Variants in UTRN observed in about 807,000 individuals in gnomAD.
UTRN encodes dystrophin-related protein 1.
UTRN carries 283 observed loss-of-function variants against 463.9 expected under a neutral mutation model. That is an observed-to-expected ratio of 0.61 (90% confidence interval 0.55 to 0.67). UTRN has a LOEUF of 0.67. UTRN is among the 30% of genes least tolerant of loss of function. UTRN has a pLI of 0.00. For missense variants in UTRN, 3,922 were observed against 4,084.3 expected, an observed-to-expected ratio of 0.96 and a Z score of 1.08; for synonymous variants, 1,442 against 1,431.5, an observed-to-expected ratio of 1.01 and a Z score of -0.17.
At chr6:144,623,344 A>T (rs1775621836) in intron 51 of UTRN, among the ~76,000 whole-genome samples, 1 of 152,236 alleles carries the variant, frequency 6.6e-6, no homozygotes, top group Non-Finnish European at 1.5e-5. Flanking sequence ...TATAAAATAC[A>T]CCTTTAATTC....
chr6:144,753,211 G>A (rs1791592421), intron 56 of UTRN, among the ~76,000 whole-genome samples: 1 of 152,128 alleles, frequency 6.6e-6, no homozygotes, highest in African/African-American at 2.4e-5. Context: ...GCTAGAAAAA[G>A]GAAATGGAAA....
At chr6:144,673,993 A>C (rs1182076003) in intron 51 of UTRN, among the ~76,000 whole-genome samples, 2 of 152,132 alleles carry the variant, frequency 1.3e-5, no homozygotes, top group Non-Finnish European at 2.9e-5. Flanking sequence ...TGGCTTGCAG[A>C]GTTTCTGCTG....
intron 2 of UTRN, among the ~76,000 whole-genome samples, chr6:144,337,042 C>A (rs1342562367): frequency 1.3e-5 from 2 of 152,100 alleles, no homozygotes; most frequent in African/African-American, 4.8e-5. Context: ...GAGGCCTCAC[C>A]CACTGGGTTC....
At chr6:144,662,869 G>T (rs1316569276) in intron 51 of UTRN, among the ~76,000 whole-genome samples, 2 of 152,122 alleles carry the variant, frequency 1.3e-5, no homozygotes, top group Admixed American at 6.5e-5. Flanking sequence ...TGATATTTTT[G>T]AATTTTGGAG....
chr6:144,380,652 A>T (rs1720996206), intron 2 of UTRN, among the ~76,000 whole-genome samples: 2 of 151,792 alleles, frequency 1.3e-5, no homozygotes, highest in Non-Finnish European at 2.9e-5. Context: ...CTCTAAAATA[A>T]TTTTTTTAAA....
At chr6:144,385,564 C>G (rs914771712) in intron 2 of UTRN, among the ~76,000 whole-genome samples, 1 of 152,130 alleles carries the variant, frequency 6.6e-6, no homozygotes, top group Non-Finnish European at 1.5e-5. Context: ...AGAGGAAGAG[C>G]TATTTTACAC....
chr6:144,604,494 A>G (rs1223253758), intron 51 of UTRN, among the ~76,000 whole-genome samples: 2 of 152,206 alleles, frequency 1.3e-5, no homozygotes, highest in Non-Finnish European at 2.9e-5. Context: ...TAAATGAATT[A>G]TTATTATTCA....
intron 33 of UTRN, among the ~76,000 whole-genome samples, chr6:144,498,560 T>C (rs973379161): frequency 1.3e-4 from 20 of 152,346 alleles, no homozygotes; most frequent in African/African-American, 4.8e-4. Flanking sequence ...GAGAGGATTC[T>C]AAGATATCTT....
chr6:144,327,942 C>T (rs760055852), intron 2 of UTRN, among the ~76,000 whole-genome samples: 1 of 152,038 alleles, frequency 6.6e-6, no homozygotes, highest in Non-Finnish European at 1.5e-5. Context: ...GAAACTCCGT[C>T]TCAAAACACA....
At chr6:144,332,404 G>T (rs946254035) in intron 2 of UTRN, among the ~76,000 whole-genome samples, 2 of 152,140 alleles carry the variant, frequency 1.3e-5, no homozygotes, top group African/African-American at 4.8e-5. Context: ...TCACTTAAAA[G>T]AACAAAAGCA....
At chr6:144,819,977 T>C (rs1212914936) in intron 65 of UTRN, among the ~76,000 whole-genome samples, 1 of 150,580 alleles carries the variant, frequency 6.6e-6, no homozygotes, top group Admixed American at 6.6e-5. Flanking sequence ...GAGTGGTAGG[T>C]TGAGCAGCCA....
chr6:144,590,467 G>A (rs1317009553), intron 51 of UTRN, among the ~76,000 whole-genome samples: 1 of 152,082 alleles, frequency 6.6e-6, no homozygotes, highest in Non-Finnish European at 1.5e-5. Context: ...GGACATAATA[G>A]CTCCCTAAGA....
intron 51 of UTRN, chr6:144,660,258 C>T (rs1360661980): frequency 4.2e-6 from 2 of 471,192 alleles, no homozygotes; most frequent in South Asian, 3.1e-5. Context: ...ACGGGAACTG[C>T]TGACAAAATT....
chr6:144,292,505 G>A (rs1323511038), intron 2 of UTRN, among the ~76,000 whole-genome samples: 1 of 152,116 alleles, frequency 6.6e-6, no homozygotes, highest in Non-Finnish European at 1.5e-5. Flanking sequence ...TTATATAACC[G>A]AGTGCTTTTT....
Position 144,822,594 on chromosome 6 carries a change from A to G in UTRN, c.9494+1576A>G, listed in dbSNP as rs540234590. On this transcript the variant is annotated intron_variant, in intron 66 of 74. Transcript: ENST00000367545. The stretch of plus-strand genomic sequence containing the variant: ...AAAAAGTTTTAATAAAGCAATTTCA[A>G]TTGAAAGAGAGCTGTTCGAATACAT... Among the ~76,000 whole-genome samples the G allele has an allele frequency of 1.4e-4, 22 of 152,256 alleles. No homozygotes were observed. In the South Asian group the frequency reaches 1.7e-3, roughly 11 times the overall value.
intron 10 of UTRN, among the ~76,000 whole-genome samples, chr6:144,436,763 A>G (rs1786573689): frequency 6.9e-6 from 1 of 144,832 alleles, no homozygotes; most frequent in Non-Finnish European, 1.5e-5. Context: ...TTATATATAT[A>G]TTTATATATA....
At chr6:144,597,017 T>A (rs1249271631) in intron 51 of UTRN, among the ~76,000 whole-genome samples, 1 of 152,126 alleles carries the variant, frequency 6.6e-6, no homozygotes, top group African/African-American at 2.4e-5. Flanking sequence ...GGTGGACAGA[T>A]CATGAGGTCA....
chr6:144,501,821 A>G (rs1234174466), intron 34 of UTRN, among the ~76,000 whole-genome samples: 1 of 152,186 alleles, frequency 6.6e-6, no homozygotes, highest in East Asian at 1.9e-4. Flanking sequence ...CATATTATGC[A>G]ATTGTTCTTC....
chr6:144,808,416 A>G (rs181459192), intron 65 of UTRN, among the ~76,000 whole-genome samples: 1 of 152,258 alleles, frequency 6.6e-6, no homozygotes, highest in East Asian at 1.9e-4. Flanking sequence ...TTTCATCGTG[A>G]AAATTACCCT....
Sources: gnomAD v4.1 joint callset for allele counts (sites outside exome capture counted in the v4.1 genomes callset) on GRCh38, gnomAD v4.1.1 for gene constraint, MANE v1.5 for transcripts, NCBI Gene and HGNC (gene_info 2026-07-23, HGNC 2026-07-21) for gene names.